TANGO6: variants seen among roughly 807,000 people sequenced by gnomAD.
TANGO6 encodes the protein transport and golgi organization 6 homolog, also known as transport and Golgi organization protein 6 homolog.
Under a neutral mutation model 114.2 loss-of-function variants are expected in TANGO6, and 90 were observed. The observed-to-expected ratio is 0.79, with a 90% confidence interval of 0.66 to 0.94. TANGO6 has a LOEUF of 0.94. Ranked by LOEUF, TANGO6 falls within the 40% of genes least tolerant of loss-of-function variation. The pLI, the probability that TANGO6 is intolerant of heterozygous loss-of-function variation, is 0.00. For synonymous variants in TANGO6, 477 were observed against 509.8 expected, an observed-to-expected ratio of 0.94 and a Z score of 0.87; for missense variants, 1,274 against 1,315.3, an observed-to-expected ratio of 0.97 and a Z score of 0.49.
intron 9 of TANGO6, among the ~76,000 whole-genome samples, chr16:68,907,047 G>C (rs1046208210): frequency 6.6e-6 from 1 of 151,024 alleles, no homozygotes; most frequent in African/African-American, 2.4e-5. Context: ...CACCCGCCTC[G>C]GCTTCCCAAA....
intron 16 of TANGO6, among the ~76,000 whole-genome samples, chr16:69,030,073 A>AC (rs1358198307): frequency 1.1e-4 from 16 of 141,836 alleles, no homozygotes; most frequent in African/African-American, 3.8e-4. Context: ...ATGCCACCGC[A>AC]CCCCAGCCTG....
At chr16:69,034,038 TTAGGGA>T (rs1959646462) in intron 16 of TANGO6, 1 of 153,014 alleles carries the variant, frequency 6.5e-6, no homozygotes, top group Non-Finnish European at 1.5e-5. Context: ...TTTGTTACTG[TTAGGGA>T]CTATGATGGC....
intron 15 of TANGO6, among the ~76,000 whole-genome samples, chr16:68,992,392 G>T (rs915377468): frequency 6.6e-6 from 1 of 151,996 alleles, no homozygotes; most frequent in African/African-American, 2.4e-5. Flanking sequence ...TGTAAAGTGG[G>T]GATAATTCTA....
At chr16:68,973,301 T>C (rs941325128) in intron 14 of TANGO6, among the ~76,000 whole-genome samples, 3 of 152,170 alleles carry the variant, frequency 2.0e-5, no homozygotes, top group African/African-American at 7.2e-5. Context: ...TTCTTTATAG[T>C]GTGTAATCTT....
intron 17 of TANGO6, among the ~76,000 whole-genome samples, chr16:69,061,552 C>G (rs879422492): frequency 3.3e-5 from 5 of 151,596 alleles, no homozygotes; most frequent in Non-Finnish European, 7.4e-5. Context: ...GACTCTGTCT[C>G]AAAAACAAAA....
In TANGO6 at chr16:68,932,010, G is replaced by A. The variant is rs577869694; in HGVS notation, c.2701+1715G>A. The stretch of plus-strand genomic sequence containing the variant: ...CAGGCATCAGCCACCACGCCCAGCC[G>A]AGTTACGAACTTTAAATGGGTGAGT... On this transcript the variant is annotated intron_variant, in intron 14 of 17. Transcript: ENST00000261778. Among the ~76,000 whole-genome samples, 8 of 151,460 alleles carry A rather than the reference G, an allele frequency of 5.3e-5. No homozygotes were observed. In the South Asian group the frequency reaches 6.3e-4, roughly 12 times the overall value.
chr16:68,847,821 G>A (rs558317280), intron 1 of TANGO6, among the ~76,000 whole-genome samples: 5 of 152,040 alleles, frequency 3.3e-5, no homozygotes, highest in South Asian at 2.1e-4. Context: ...CCAACATGGC[G>A]AAACCCCGTC....
chr16:68,980,423 A>C (rs1365459398), intron 15 of TANGO6, among the ~76,000 whole-genome samples: 53 of 46,836 alleles, frequency 1.1e-3, no homozygotes, highest in Non-Finnish European at 1.7e-3. Flanking sequence ...ATATATATAT[A>C]TATATATATA....
chr16:69,036,208 G>A (rs925324895), intron 16 of TANGO6, among the ~76,000 whole-genome samples: 51 of 152,120 alleles, frequency 3.4e-4, no homozygotes, highest in Non-Finnish European at 1.5e-4. Flanking sequence ...GCCGTGAAGT[G>A]ACTTTTCCAG....
At chr16:69,080,608 C>CT (rs1960449501) in intron 17 of TANGO6, among the ~76,000 whole-genome samples, 1 of 152,174 alleles carries the variant, frequency 6.6e-6, no homozygotes, top group South Asian at 2.1e-4. Context: ...CTTGTAAACA[C>CT]TTAGAAAATG....
At chr16:69,028,859 A>C (rs1959548207) in intron 16 of TANGO6, among the ~76,000 whole-genome samples, 1 of 142,606 alleles carries the variant, frequency 7.0e-6, no homozygotes, top group Non-Finnish European at 1.5e-5. Context: ...AGTTTAACAA[A>C]AAAAAAAAAA....
At chr16:69,053,216 CATT>C (rs750628356) in intron 17 of TANGO6, among the ~76,000 whole-genome samples, 61 of 151,660 alleles carry the variant, frequency 4.0e-4, no homozygotes, top group Admixed American at 9.2e-4. Context: ...AATATGTATT[CATT>C]ATTATTATTA....
chr16:68,968,408 A>G (rs568226993), intron 14 of TANGO6, among the ~76,000 whole-genome samples: 3 of 143,512 alleles, frequency 2.1e-5, no homozygotes, highest in East Asian at 4.1e-4. Flanking sequence ...CTTGTTTCCC[A>G]GGTTGGAGTG....
intron 14 of TANGO6, among the ~76,000 whole-genome samples, chr16:68,951,717 A>G (rs576738713): frequency 6.7e-6 from 1 of 149,486 alleles, no homozygotes; most frequent in East Asian, 2.0e-4. Context: ...GGTTCACACC[A>G]TTCTCCTGCC....
At chr16:68,894,095 T>C (rs767682177) in intron 7 of TANGO6, among the ~76,000 whole-genome samples, 12 of 152,226 alleles carry the variant, frequency 7.9e-5, no homozygotes, top group Non-Finnish European at 1.8e-4. Flanking sequence ...ATGTGTAGTA[T>C]GATTTCATGG....
chr16:68,898,704 T>C (rs1212359859), intron 7 of TANGO6, among the ~76,000 whole-genome samples: 1 of 152,124 alleles, frequency 6.6e-6, no homozygotes, highest in Non-Finnish European at 1.5e-5. Context: ...TTTAACAAGC[T>C]AGCTCTTTAA....
At chr16:68,879,864 C>T (rs974782900) in intron 6 of TANGO6, among the ~76,000 whole-genome samples, 1 of 152,004 alleles carries the variant, frequency 6.6e-6, no homozygotes, top group African/African-American at 2.4e-5. Context: ...GATCCGCCTG[C>T]CTCGGCCTCC....
rs1555525236 is a variant in TANGO6 at position 68,953,050 on chromosome 16, T to TTTTTTA, written c.2702-20976_2702-20975insTTTATT. On this transcript the variant is annotated intron_variant, in intron 14 of 17. Transcript: ENST00000261778. ...ATGTTCATTCACTCAACAGGTATTTTTTATTATTATTATTATTATTATTAT... is the reference window on the plus strand; with the variant it reads ...ATGTTCATTCACTCAACAGGTATTTTTTTTTATTATTATTATTATTATTATTATTAT... Among the ~76,000 whole-genome samples the TTTTTTA allele has an allele frequency of 4.9e-3, 686 of 139,202 alleles. 6 individuals are homozygous for TTTTTTA. The highest frequency in any genetic ancestry group is 0.016 in the Admixed American group (218 of 13,668). 91.3% of individuals were successfully genotyped at this position (139,202 alleles called of 152,430 possible).
intron 14 of TANGO6, among the ~76,000 whole-genome samples, chr16:68,966,447 TGA>T (rs1963646263): frequency 6.6e-6 from 1 of 151,694 alleles, no homozygotes; most frequent in Admixed American, 6.6e-5. Context: ...GAGGTTGCAG[TGA>T]GCTGAGATTA....
Sources: gnomAD v4.1 joint callset for allele counts (sites outside exome capture counted in the v4.1 genomes callset) on GRCh38, gnomAD v4.1.1 for gene constraint, MANE v1.5 for transcripts, NCBI Gene and HGNC (gene_info 2026-07-23, HGNC 2026-07-21) for gene names.